Variants in PDLIM2 observed in about 807,000 individuals in gnomAD.
PDLIM2 encodes the protein PDZ and LIM domain 2.
Under a neutral mutation model 54.1 loss-of-function variants are expected in PDLIM2, and 51 were observed. The observed-to-expected ratio is 0.94, with a 90% CI of 0.75 to 1.19. PDLIM2 has a LOEUF of 1.19. Among genes scored for constraint, PDLIM2 ranks in the 50% most tolerant of loss-of-function variants. PDLIM2 has a pLI of 0.00. For synonymous variants in PDLIM2, 398 were observed against 385.6 expected (o/e 1.03, Z -0.38); for missense variants, 912 against 874.0 (o/e 1.04, Z -0.55).
chr8:22,585,334 G>A (rs1177778217), exon 6 of PDLIM2: 1 of 1,612,876 alleles, frequency 6.2e-7, no homozygotes, highest in Non-Finnish European at 8.5e-7. Flanking sequence ...CCAGAGTCTG[G>A]CATGTTCCCC....
At chr8:22,585,455 T>G (rs1800347391) in intron 6 of PDLIM2, 56 bp downstream of exon 5, 1 of 1,524,766 alleles carries the variant, frequency 6.6e-7, no homozygotes, top group Non-Finnish European at 8.9e-7. Flanking sequence ...CCCGTTCCTG[T>G]GGGTTGCCAG....
chr8:22,583,693 G>T (rs1279532035), intron 3 of PDLIM2, among the ~76,000 whole-genome samples: 30 of 152,034 alleles, frequency 2.0e-4, no homozygotes, highest in Non-Finnish European at 1.5e-4. Context: ...CTTGAACCCA[G>T]GAGGTGGAGG....
exon 1 of PDLIM2, chr8:22,578,882 T>A: frequency 8.1e-7 from 1 of 1,237,868 alleles, no homozygotes; most frequent in Non-Finnish European, 1.0e-6. Flanking sequence ...CCGGCTCTGC[T>A]GTGCTCCGGG....
intron 6 of PDLIM2, among the ~76,000 whole-genome samples, chr8:22,587,262 G>A (rs564625099): frequency 1.1e-4 from 17 of 152,248 alleles, no homozygotes; most frequent in African/African-American, 4.1e-4. Context: ...GCTGGGTGCT[G>A]TGACATGTGC....
exon 7 of PDLIM2, chr8:22,589,310 C>G (rs769206066): frequency 1.1e-5 from 17 of 1,533,972 alleles, no homozygotes; most frequent in Non-Finnish European, 1.5e-5. Flanking sequence ...CGGCCTCGGC[C>G]GCGCTGGCGA....
chr8:22,579,340 C>A lies in PDLIM2; in HGVS notation c.561C>A (p.Ser187Arg), dbSNP rs908087575. The change falls in exon 1 of 10, where the codon AGC becomes AGA. Residue 187 changes from serine (S) to arginine (R), a missense_variant. Coordinates refer to ENST00000308354, the Ensembl canonical transcript of PDLIM2. ...TCGTCCGCGGCCCAGCTCCCTGGAGCCTCGCATCAGCGGGGGCGCCCCCGC... is the reference window on the plus strand; with the variant it reads ...TCGTCCGCGGCCCAGCTCCCTGGAGACTCGCATCAGCGGGGGCGCCCCCGC... The A allele has an allele frequency of 6.8e-6, 10 of 1,461,488 alleles. No homozygotes were observed. Among genetic ancestry groups the A allele is most frequent in the African/African-American group, 3.0e-5 (2 of 67,650 alleles). 90.5% of individuals were successfully genotyped at this position (1,461,488 alleles called of 1,614,324 possible).
intron 9 of PDLIM2, chr8:22,593,217 G>A (rs943909998): frequency 1.3e-5 from 2 of 152,696 alleles, no homozygotes; most frequent in African/African-American, 4.8e-5. Context: ...AGCAGTGGCA[G>A]CGGTGGTGGG....
intron 1 of PDLIM2, chr8:22,579,910 T>G: frequency 5.0e-6 from 1 of 200,848 alleles, no homozygotes; most frequent in Non-Finnish European, 1.0e-5. Context: ...TGTGTCCAGC[T>G]TGACAGATGA....
chr8:22,579,343 C>G (rs1207019429), exon 1 of PDLIM2: 1 of 1,462,820 alleles, frequency 6.8e-7, no homozygotes, highest in Non-Finnish European at 9.0e-7. Context: ...CCTGGAGCCT[C>G]GCATCAGCGG....
downstream of PDLIM2, chr8:22,594,476 A>G (rs1800639661): frequency 6.2e-7 from 1 of 1,612,212 alleles, no homozygotes. Flanking sequence ...TGCCTCTTTT[A>G]GGTTGGGAGT....
intron 9 of PDLIM2, chr8:22,592,871 TA>T (rs1197309048): frequency 6.6e-6 from 1 of 152,136 alleles, no homozygotes; most frequent in African/African-American, 2.4e-5. Flanking sequence ...GAACAACTTT[TA>T]AAAAAAATTT....
chr8:22,579,560 C>G (rs1012837716), intron 1 of PDLIM2: 2 of 1,438,136 alleles, frequency 1.4e-6, no homozygotes, highest in South Asian at 1.4e-5. Context: ...GCGAGCCGGC[C>G]TCGGGGACTG....
intron 9 of PDLIM2, chr8:22,593,315 G>C: frequency 6.2e-6 from 1 of 161,104 alleles, no homozygotes; most frequent in Non-Finnish European, 1.3e-5. Flanking sequence ...AGTGGCTCAC[G>C]CCTGTAATCC....
At chr8:22,591,209 G>A (rs749742567) in intron 8 of PDLIM2, 33 of 312,902 alleles carry the variant, frequency 1.1e-4, no homozygotes, top group Non-Finnish European at 1.9e-4. Flanking sequence ...AAGCCACACC[G>A]AGGCATTGCG....
intron 6 of PDLIM2, among the ~76,000 whole-genome samples, chr8:22,586,326 A>G (rs1800381993): frequency 1.3e-5 from 2 of 152,212 alleles, no homozygotes; most frequent in Admixed American, 6.5e-5. Context: ...GATATATTCC[A>G]TGGGTCCCCT....
chr8:22,593,769 C>A, exon 10 of PDLIM2: 1 of 1,603,126 alleles, frequency 6.2e-7, no homozygotes. Flanking sequence ...GCCGGTACCG[C>A]CACCCCGGCT....
At chr8:22,579,259 C>A (rs990598483) in exon 1 of PDLIM2, 2 of 1,356,692 alleles carry the variant, frequency 1.5e-6, no homozygotes, top group South Asian at 1.8e-5. Flanking sequence ...CCGCGCGGCC[C>A]GCCCTCCCCG....
chr8:22,591,934 G>C (rs1218966845), intron 9 of PDLIM2: 1 of 356,728 alleles, frequency 2.8e-6, no homozygotes, highest in Non-Finnish European at 5.1e-6. Context: ...TCATTTCAAA[G>C]CCTCTGGAGA....
At chr8:22,580,109 G>A in intron 1 of PDLIM2, 1 of 227,370 alleles carries the variant, frequency 4.4e-6, no homozygotes, top group South Asian at 5.3e-5. Context: ...CCTGTTCCTT[G>A]ACCCGTCACT....
Sources: allele counts gnomAD v4.1 joint callset (sites outside exome capture counted in the v4.1 genomes callset), GRCh38; gene constraint gnomAD v4.1.1; transcripts MANE v1.5; gene names NCBI Gene and HGNC (gene_info 2026-07-23, HGNC 2026-07-21).